RPRD1A: variants seen among roughly 807,000 people sequenced by gnomAD.
The protein encoded by RPRD1A is regulation of nuclear pre-mRNA domain containing 1A.
A neutral mutation model predicts 37.8 loss-of-function variants in RPRD1A; 9 were observed. That is an observed-to-expected ratio of 0.24 (90% CI 0.14 to 0.42). The LOEUF is 0.42. Ranked by LOEUF, RPRD1A falls within the 10% of genes least tolerant of loss-of-function variation. The pLI, the probability that RPRD1A is intolerant of heterozygous loss-of-function variation, is 1.00. For missense variants in RPRD1A, 255 were observed against 371.0 expected, an observed-to-expected ratio of 0.69 and a Z score of 2.57; for synonymous variants, 138 against 139.7, an observed-to-expected ratio of 0.99 and a Z score of 0.08.
rs1018023655 is a variant in RPRD1A at position 35,991,580 on chromosome 18, T to C, written c.*1571A>G. ...CGGTAGTGTTAGGGAACCTAACTAC[T>C]ATTCTTTCTGTGAGAAAATGCACCC... On this transcript the variant is annotated 3_prime_UTR_variant, in exon 7 of 7. Transcript: ENST00000399022. The C allele has an allele frequency of 6.6e-6, 1 of 152,212 alleles. No homozygotes were observed. Among genetic ancestry groups the C allele is most frequent in the African/African-American group, 2.4e-5 (1 of 41,452 alleles). 9.4% of individuals were successfully genotyped at this position (152,212 alleles called of 1,614,324 possible). A position where few individuals can be genotyped will look rare whatever the true frequency, so the allele number is the denominator to read the frequency against.
At chr18:36,047,486 A>G (rs981866912) in intron 1 of RPRD1A, among the ~76,000 whole-genome samples, 3 of 152,254 alleles carry the variant, frequency 2.0e-5, no homozygotes, top group African/African-American at 4.8e-5. Context: ...GTTAGAGCAG[A>G]GACCAATGAA....
chr18:35,998,210 T>C (rs1909201596), intron 6 of RPRD1A, among the ~76,000 whole-genome samples: 1 of 151,972 alleles, frequency 6.6e-6, no homozygotes, highest in Admixed American at 6.6e-5. Flanking sequence ...AATACAAAAA[T>C]TAGCTGGGTG....
intron 6 of RPRD1A, among the ~76,000 whole-genome samples, chr18:36,014,568 G>A (rs1013874634): frequency 2.6e-5 from 4 of 152,088 alleles, no homozygotes; most frequent in African/African-American, 7.2e-5. Context: ...GTGAAACCCC[G>A]TCTCTACTAA....
chr18:36,005,551 T>C (rs1186248211), intron 6 of RPRD1A, among the ~76,000 whole-genome samples: 2 of 152,178 alleles, frequency 1.3e-5, no homozygotes, highest in African/African-American at 4.8e-5. Context: ...ATCACTTTTA[T>C]AAGCTGAATT....
chr18:35,993,169 G>A lies in RPRD1A; in HGVS notation c.921C>T (p.Asp307=), dbSNP rs759090530. The A allele has an allele frequency of 1.2e-6, 2 of 1,613,974 alleles. No individual in the cohort carries two copies. Among genetic ancestry groups the A allele is most frequent in the Non-Finnish European group, 1.7e-6 (2 of 1,180,006 alleles). Residue 307 remains aspartate, a synonymous_variant, in exon 7 of 7, where the codon GAC becomes GAT. Coordinates refer to ENST00000399022, the MANE Select transcript of RPRD1A (RefSeq NM_018170.5). The part of the protein sequence containing the change: ...GSHMHLPFAG[D]IYSED ...TGGTCCATCAATCTTCACTGTAGAT[G>A]TCTCCCGCAAAGGGCAGGTGCATGT...
chr18:36,019,428 G>C (rs756066248), intron 6 of RPRD1A, among the ~76,000 whole-genome samples: 1 of 152,086 alleles, frequency 6.6e-6, no homozygotes, highest in Admixed American at 6.6e-5. Flanking sequence ...TTCTAAAGAG[G>C]AGTGTGATGG....
intron 6 of RPRD1A, among the ~76,000 whole-genome samples, chr18:36,018,193 T>G (rs1436483547): frequency 6.8e-6 from 1 of 146,732 alleles, no homozygotes; most frequent in Non-Finnish European, 1.5e-5. Flanking sequence ...CAATCATTTT[T>G]ATTTATTAAA....
In RPRD1A at chr18:36,008,577, G is replaced by GTGTGTATATATATATATATATATATA; in HGVS notation, c.790-15278_790-15277insTATATATATATATATATATATACACA. 2.2e-3 allele frequency among the ~76,000 whole-genome samples: 107 copies of GTGTGTATATATATATATATATATATA among 47,746 alleles called. 6 individuals are homozygous for GTGTGTATATATATATATATATATATA. The highest frequency in any genetic ancestry group is 3.9e-3 in the East Asian group (5 of 1,284). The allele number at this position is 47,746 out of a possible 152,430, so 31.3% of individuals were successfully genotyped here. A position where few individuals can be genotyped will look rare whatever the true frequency, so the allele number is the denominator to read the frequency against. On this transcript the variant is annotated intron_variant, in intron 6 of 6. Coordinates refer to ENST00000399022, the MANE Select transcript of RPRD1A (RefSeq NM_018170.5). ...GGCGACACAGCAAGACCTTGTGTGT[G>GTGTGTATATATATATATATATATATA]TATATATATATATCTTTAAAAATCT...
chr18:36,056,029 G>A (rs1913743296), intron 1 of RPRD1A, among the ~76,000 whole-genome samples: 1 of 151,922 alleles, frequency 6.6e-6, no homozygotes, highest in African/African-American at 2.4e-5. Context: ...GAAAATACTA[G>A]AATATTTACT....
intron 6 of RPRD1A, among the ~76,000 whole-genome samples, chr18:36,005,848 G>T (rs531216415): frequency 7.2e-5 from 11 of 151,978 alleles, no homozygotes; most frequent in South Asian, 2.1e-4. Flanking sequence ...CTACACCTGT[G>T]TTTTTTTCTT....
intron 1 of RPRD1A, among the ~76,000 whole-genome samples, chr18:36,036,946 A>T (rs764253116): frequency 6.6e-6 from 1 of 152,132 alleles, no homozygotes; most frequent in Non-Finnish European, 1.5e-5. Flanking sequence ...TTCCAAAAAC[A>T]CCGGTTTTCC....
chr18:36,063,494 C>G (rs1351190413), intron 1 of RPRD1A, among the ~76,000 whole-genome samples: 2 of 152,186 alleles, frequency 1.3e-5, no homozygotes, highest in African/African-American at 4.8e-5. Flanking sequence ...ACAGTAGCTT[C>G]TCCCACTCTC....
intron 1 of RPRD1A, chr18:36,040,881 T>C: frequency 6.8e-7 from 1 of 1,469,158 alleles, no homozygotes. Flanking sequence ...AGGAAGCAAT[T>C]AACAAGAAAA....
At chr18:35,998,300 G>A (rs572621775) in intron 6 of RPRD1A, among the ~76,000 whole-genome samples, 6 of 152,188 alleles carry the variant, frequency 3.9e-5, no homozygotes, top group Non-Finnish European at 7.4e-5. Context: ...AGGTTACAGT[G>A]AGCTGAGATT....
intron 6 of RPRD1A, among the ~76,000 whole-genome samples, chr18:36,001,314 G>GT (rs1404172361): frequency 1.3e-5 from 2 of 152,102 alleles, no homozygotes; most frequent in Non-Finnish European, 2.9e-5. Context: ...GGTTATTTCT[G>GT]TTTTTGAAAT....
At chr18:36,004,611 T>C (rs995647872) in intron 6 of RPRD1A, among the ~76,000 whole-genome samples, 1 of 152,112 alleles carries the variant, frequency 6.6e-6, no homozygotes, top group Non-Finnish European at 1.5e-5. Context: ...GTTCTTTCAA[T>C]AGGTCCAACA....
chr18:36,033,963 C>G, intron 1 of RPRD1A, 126 bp from the exon 2 acceptor site: 1 of 700,104 alleles, frequency 1.4e-6, no homozygotes, highest in East Asian at 2.9e-5. Context: ...TCATTTCAAC[C>G]CTAGTCTCTC....
At chr18:36,053,094 G>C (rs531318107) in intron 1 of RPRD1A, among the ~76,000 whole-genome samples, 7 of 152,234 alleles carry the variant, frequency 4.6e-5, no homozygotes, top group African/African-American at 1.7e-4. Flanking sequence ...CTAGGGGATA[G>C]AGGAGAAATA....
At chr18:36,052,307 C>T (rs1456717250) in intron 1 of RPRD1A, among the ~76,000 whole-genome samples, 1 of 151,598 alleles carries the variant, frequency 6.6e-6, no homozygotes, top group African/African-American at 2.4e-5. Context: ...AAAGACAGTC[C>T]TTCAGGATGA....
Sources: allele counts gnomAD v4.1 joint callset (sites outside exome capture counted in the v4.1 genomes callset), GRCh38; gene constraint gnomAD v4.1.1; transcripts MANE v1.5; gene names NCBI Gene and HGNC (gene_info 2026-07-23, HGNC 2026-07-21).